ATP8B3: variants seen among roughly 807,000 people sequenced by gnomAD.
ATP8B3 encodes phospholipid-transporting ATPase IK.
A neutral mutation model predicts 140.9 loss-of-function variants in ATP8B3; 141 were observed. That is an observed-to-expected ratio of 1.00 (90% CI 0.87 to 1.15). ATP8B3 has a LOEUF of 1.15. ATP8B3 is among the 50% of genes most tolerant of loss of function. The pLI, the probability that ATP8B3 is intolerant of heterozygous loss-of-function variation, is 0.00. For synonymous variants in ATP8B3, 765 were observed against 714.6 expected, an observed-to-expected ratio of 1.07 and a Z score of -1.13; for missense variants, 1,874 against 1,740.6, an observed-to-expected ratio of 1.08 and a Z score of -1.36.
At chr19:1,798,437 T>C (rs575764427) in intron 14 of ATP8B3, among the ~76,000 whole-genome samples, 11 of 152,174 alleles carry the variant, frequency 7.2e-5, no homozygotes, top group Admixed American at 2.0e-4. Context: ...ATGACTAGAA[T>C]AATACTAATA....
chr19:1,791,831 G>GACA lies in ATP8B3; in HGVS notation c.2220_2221insTGT (p.Arg740_Leu741insCys). 1.2e-6 allele frequency: 2 copies of GACA among 1,611,496 alleles called. No individual in the cohort carries two copies. Among genetic ancestry groups the GACA allele is most frequent in the Non-Finnish European group, 1.7e-6 (2 of 1,179,802 alleles). On this transcript the variant is annotated inframe_insertion, in exon 20 of 29. Transcript: ENST00000310127. ...ATGGTTTCAGGGACACCGTCCTGGA[G>GACA]TCTGTCCTCGATGGCTGTGGCTCCC...
At chr19:1,795,508 G>A (rs555477835) in intron 18 of ATP8B3, among the ~76,000 whole-genome samples, 3 of 149,230 alleles carry the variant, frequency 2.0e-5, no homozygotes, top group African/African-American at 4.9e-5. Context: ...CCAAGACTGT[G>A]CCACTGCACT....
intron 24 of ATP8B3, among the ~76,000 whole-genome samples, chr19:1,788,362 C>T (rs1274223371): frequency 6.6e-6 from 1 of 152,100 alleles, no homozygotes; most frequent in African/African-American, 2.4e-5. Context: ...CTTGAAAGCT[C>T]TGAGTGTGCC....
At chr19:1,793,678 A>G (rs1221645119) in intron 18 of ATP8B3, among the ~76,000 whole-genome samples, 1 of 151,868 alleles carries the variant, frequency 6.6e-6, no homozygotes, top group African/African-American at 2.4e-5. Context: ...TTACCCCCCG[A>G]CCCTGCCCCC....
intron 14 of ATP8B3, chr19:1,799,439 A>C: frequency 5.6e-6 from 1 of 177,478 alleles, no homozygotes. Context: ...AGCCTGGGCA[A>C]CGAGAGCAAA....
At position 1,787,137 on chromosome 19, in the gene ATP8B3, G is replaced by A. The variant is rs375351496; in HGVS notation, c.3119C>T (p.Thr1040Ile). ...FLALFNLLYS[T>I]LPVLYIGLFE... ...GAGCCCAATGTAGAGAACTGGCAGG[G>A]TGCTGTACAGGAGGTTGAAAAGAGC... The change falls in exon 25 of 29, where the codon ACC becomes ATC. Residue 1040 changes from threonine to isoleucine, a missense_variant. Coordinates refer to ENST00000310127, the MANE Select transcript of ATP8B3 (RefSeq NM_138813.4). 5 of 1,610,480 alleles carry A rather than the reference G, an allele frequency of 3.1e-6. No homozygotes were observed. Among genetic ancestry groups the A allele is most frequent in the African/African-American group, 2.7e-5 (2 of 74,858 alleles).
intron 3 of ATP8B3, among the ~76,000 whole-genome samples, chr19:1,810,377 C>T (rs889404132): frequency 1.3e-5 from 2 of 152,206 alleles, no homozygotes; most frequent in Non-Finnish European, 2.9e-5. Context: ...AGTGATTCTC[C>T]TGTCTCAGCC....
chr19:1,787,756 A>T (rs1000621471), intron 24 of ATP8B3, among the ~76,000 whole-genome samples: 2 of 109,458 alleles, frequency 1.8e-5, no homozygotes, highest in Non-Finnish European at 3.7e-5. Flanking sequence ...AAAAAAAAAA[A>T]AAAAACGCTG....
intron 18 of ATP8B3, among the ~76,000 whole-genome samples, chr19:1,792,833 C>T (rs972040396): frequency 2.0e-5 from 3 of 149,376 alleles, no homozygotes; most frequent in Admixed American, 6.7e-5. Flanking sequence ...GAGGATCCCT[C>T]GAACCTGGGA....
At chr19:1,810,489 C>T in intron 3 of ATP8B3, 133 bp downstream of exon 3, 3 of 823,698 alleles carry the variant, frequency 3.6e-6, no homozygotes, top group Middle Eastern at 2.4e-4. Flanking sequence ...CTCTCGAACC[C>T]CTGACCTCAA....
intron 24 of ATP8B3, among the ~76,000 whole-genome samples, chr19:1,788,679 G>A (rs2068382454): frequency 6.6e-6 from 1 of 152,134 alleles, no homozygotes; most frequent in African/African-American, 2.4e-5. Flanking sequence ...CAAATATCCT[G>A]GAAGGTGTTG....
In ATP8B3 at chr19:1,810,655, T is replaced by C. The variant is rs754854777; in HGVS notation, c.277A>G (p.Arg93Gly). Residue 93 changes from arginine to glycine, a missense_variant, in exon 3 of 29, where the codon AGA becomes GGA. Coordinates refer to ENST00000310127, the MANE Select transcript of ATP8B3 (RefSeq NM_138813.4). ...CTGTCCTCATCTTGGAGATCTTCTC[T>C]CTGGCCGAGGCTGCCCATGCTGGTG... is the stretch of plus-strand genomic sequence containing the variant. ...GPTSMGSLGQ[R>G]EDLQDEDRNS... 1.9e-6 allele frequency: 3 copies of C among 1,613,070 alleles called. No homozygotes were observed. The East Asian group carries it at 6.7e-5, about 36-fold the overall frequency.
At position 1,796,832 on chromosome 19, in the gene ATP8B3, G is replaced by C; in HGVS notation, c.1632C>G (p.Phe544Leu). Residue 544 changes from phenylalanine to leucine, a missense_variant, in exon 16 of 29, where the codon TTC becomes TTG. Physicochemically the swap from Phe to Leu is conservative, Grantham distance 22. Transcript: ENST00000310127. ...CGAGGTGCAGCAGGGCCGCATTGTG[G>C]AAGAGCAGCTTCCCGTCGGCGAACT... ...WNKFADGKLL[F>L]HNAALLHLVR... 1 of 1,612,562 alleles carries C rather than the reference G, an allele frequency of 6.2e-7. No homozygotes were observed. Among genetic ancestry groups the C allele is most frequent in the Non-Finnish European group, 8.5e-7 (1 of 1,179,550 alleles).
rs745728863 is a variant in ATP8B3 at position 1,785,232 on chromosome 19, G to A, written c.3459C>T (p.Phe1153=). 1 of 1,609,150 alleles carries A rather than the reference G, an allele frequency of 6.2e-7. No homozygotes were observed. The highest frequency in any genetic ancestry group is 1.1e-5 in the South Asian group (1 of 90,218). ...GGGTGGTGGTAGTCATGATGGCGTA[G>A]AAACCAAGGCTGAGGAGGATGGTCG... ...CVATILLSLG[F]YAIMTTTTQS... Residue 1153 remains phenylalanine (F), a synonymous_variant, in exon 27 of 29, where the codon TTC becomes TTT. Coordinates refer to ENST00000310127, the MANE Select transcript of ATP8B3 (RefSeq NM_138813.4).
At chr19:1,792,969 G>A (rs115161677) in intron 18 of ATP8B3, among the ~76,000 whole-genome samples, 6,223 of 150,298 alleles carry the variant, frequency 0.041, 135 homozygotes, top group Middle Eastern at 0.14. Context: ...CACCTACTCT[G>A]TCTCAGACAC....
At chr19:1,785,832 G>T in intron 25 of ATP8B3, 124 bp from the exon 26 acceptor site, 1 of 1,124,678 alleles carries the variant, frequency 8.9e-7, no homozygotes, top group Non-Finnish European at 1.2e-6. Flanking sequence ...GAGTTTAAGT[G>T]AGTTAAAATA....
chr19:1,785,955 A>AC (rs1176180938), intron 25 of ATP8B3, among the ~76,000 whole-genome samples: 1 of 151,552 alleles, frequency 6.6e-6, no homozygotes, highest in African/African-American at 2.4e-5. Flanking sequence ...ACATAGTGAA[A>AC]CCCCCCATCT....
rs1383809955 is a variant in ATP8B3, at chr19:1,782,191, C to G, written c.*837G>C. ...TGACTTGCAGCAGAACTGGCTGGAG[C>G]TTCTTCTTCCCAGGAAGGACATCTT... On this transcript the variant is annotated 3_prime_UTR_variant, in exon 29 of 29. Coordinates refer to ENST00000310127, the MANE Select transcript of ATP8B3 (RefSeq NM_138813.4). 1 of 253,030 alleles carries G rather than the reference C, an allele frequency of 4.0e-6. No individual in the cohort carries two copies. Among genetic ancestry groups the G allele is most frequent in the Non-Finnish European group, 7.7e-6 (1 of 129,792 alleles). 15.7% of individuals were successfully genotyped at this position (253,030 alleles called of 1,614,324 possible). A position where few individuals can be genotyped will look rare whatever the true frequency, so the allele number is the denominator to read the frequency against.
Position 1,789,011 on chromosome 19 carries a change from G to C in ATP8B3, c.2955C>G (p.His985Gln). ...FCFLQRLLLVHGRWSYVRICK... is the reference protein window; with the variant it reads ...FCFLQRLLLVQGRWSYVRICK... ...AGATCCGCACGTAGGACCAGCGGCCGTGCACCAGCAGGAGGCGCTGCAGGA... is the reference window on the plus strand; with the variant it reads ...AGATCCGCACGTAGGACCAGCGGCCCTGCACCAGCAGGAGGCGCTGCAGGA... The change falls in exon 24 of 29, where the codon CAC (histidine) becomes CAG (glutamine). Residue 985 changes from histidine to glutamine, a missense_variant. By Grantham distance (24) the His-to-Gln change is conservative. Transcript: ENST00000310127. 2 of 1,609,940 alleles carry C rather than the reference G, an allele frequency of 1.2e-6. No individual in the cohort carries two copies. Among genetic ancestry groups the C allele is most frequent in the African/African-American group, 1.3e-5 (1 of 74,982 alleles).
Sources: allele counts gnomAD v4.1 joint callset (sites outside exome capture counted in the v4.1 genomes callset), GRCh38; gene constraint gnomAD v4.1.1; transcripts MANE v1.5; gene names NCBI Gene and HGNC (gene_info 2026-07-23, HGNC 2026-07-21).